SHANK2: variants seen among roughly 807,000 people sequenced by gnomAD.
SHANK2 encodes the protein SH3 and multiple ankyrin repeat domains protein 2.
In SHANK2, 43 loss-of-function variants were observed where a neutral mutation model predicts 133.7. The observed-to-expected ratio is 0.32, with a 90% CI of 0.25 to 0.41. The LOEUF (loss-of-function observed/expected upper bound fraction) is 0.41, where lower values mean the gene tolerates loss of function less well. SHANK2 is among the 10% of genes least tolerant of loss of function. The probability of loss-of-function intolerance (pLI) is 1.00; values close to 1 mark genes in which losing one functional copy is unlikely to be tolerated. For synonymous variants in SHANK2, 1,017 were observed against 952.8 expected, an observed-to-expected ratio of 1.07 and a Z score of -1.24; for missense variants, 1,994 against 2,235.8, an observed-to-expected ratio of 0.89 and a Z score of 2.18.
intron 19 of SHANK2, 109 bp from the exon 20 acceptor site, chr11:70,502,040 T>TGG: frequency 7.3e-7 from 1 of 1,365,900 alleles, no homozygotes; most frequent in Non-Finnish European, 1.0e-6. Context: ...GGTGCACACA[T>TGG]GGGGCTGCGG....
chr11:71,066,971 C>A (rs1173997411), intron 9 of SHANK2, among the ~76,000 whole-genome samples: 6 of 152,204 alleles, frequency 3.9e-5, no homozygotes, highest in African/African-American at 1.4e-4. Flanking sequence ...AATGCATCCA[C>A]AAGGCATGGG....
intron 5 of SHANK2, among the ~76,000 whole-genome samples, chr11:71,111,528 C>A (rs1951892074): frequency 6.6e-6 from 1 of 152,236 alleles, no homozygotes; most frequent in African/African-American, 2.4e-5. Context: ...GACTGTGGGA[C>A]TTGGCACCCT....
chr11:70,775,840 T>A (rs1047964868), intron 14 of SHANK2, among the ~76,000 whole-genome samples: 1 of 152,260 alleles, frequency 6.6e-6, no homozygotes, highest in Non-Finnish European at 1.5e-5. Context: ...GCGGCCCCCA[T>A]AAGCCAATGT....
At chr11:70,517,110 A>C (rs1450322323) in intron 17 of SHANK2, among the ~76,000 whole-genome samples, 1 of 152,224 alleles carries the variant, frequency 6.6e-6, no homozygotes. Context: ...GAAGATACAC[A>C]GATGGCAAAT....
chr11:70,861,748 C>T (rs188059741), intron 11 of SHANK2, among the ~76,000 whole-genome samples: 1 of 152,240 alleles, frequency 6.6e-6, no homozygotes, highest in Non-Finnish European at 1.5e-5. Flanking sequence ...TTGAGACAAT[C>T]CCAGCAGATG....
chr11:70,890,961 G>A (rs1431370128), intron 11 of SHANK2, among the ~76,000 whole-genome samples: 4 of 148,556 alleles, frequency 2.7e-5, no homozygotes, highest in Admixed American at 6.7e-5. Context: ...GATAGACTCC[G>A]CCTCAAAAAA....
At chr11:70,818,509 T>G (rs1191970075) in intron 12 of SHANK2, among the ~76,000 whole-genome samples, 1 of 152,122 alleles carries the variant, frequency 6.6e-6, no homozygotes, top group East Asian at 1.9e-4. Context: ...TTAGATTTTG[T>G]ACTGGGTGAA....
intron 17 of SHANK2, among the ~76,000 whole-genome samples, chr11:70,655,301 T>C (rs1482987502): frequency 6.6e-6 from 1 of 152,244 alleles, no homozygotes; most frequent in Non-Finnish European, 1.5e-5. Context: ...TGCCCATTTA[T>C]ACATAAAGCA....
At chr11:70,938,853 T>G (rs1450751188) in intron 10 of SHANK2, among the ~76,000 whole-genome samples, 18 of 152,088 alleles carry the variant, frequency 1.2e-4, no homozygotes, top group African/African-American at 4.3e-4. Flanking sequence ...GGAGGTGACG[T>G]GATAACCGCC....
intron 2 of SHANK2, 108 bp from the exon 3 acceptor site, chr11:71,147,446 A>G (rs1218544667): frequency 8.3e-6 from 7 of 840,070 alleles, no homozygotes; most frequent in Non-Finnish European, 1.2e-5. Flanking sequence ...TCGGTTTCAC[A>G]GTCTGTGTTT....
chr11:71,080,095 C>T (rs1299938924), intron 8 of SHANK2, among the ~76,000 whole-genome samples: 1 of 152,172 alleles, frequency 6.6e-6, no homozygotes, highest in Non-Finnish European at 1.5e-5. Context: ...TGTCTGGTCT[C>T]TGGCTGTTGA....
In SHANK2 at chr11:70,565,147, C is replaced by T. The variant is rs782382263; in HGVS notation, c.2062-62216G>A. 4.5e-4 allele frequency among the ~76,000 whole-genome samples: 69 copies of T among 152,210 alleles called. 1 individual carries two copies. The highest frequency in any genetic ancestry group is 8.8e-4 in the Non-Finnish European group (60 of 68,028). On this transcript the variant is annotated intron_variant, in intron 17 of 25. Transcript: ENST00000601538. ...CATCATGAATTGTACTTGTTGGGGG[C>T]GCTGGGTAGTTCTGTATCCTGGTCT...
chr11:70,933,308 A>G (rs1160848226), intron 10 of SHANK2: 5 of 454,726 alleles, frequency 1.1e-5, no homozygotes, highest in African/African-American at 2.0e-5. Context: ...TGAGCTCCCT[A>G]AAGTTCTGAG....
At chr11:70,859,615 C>T (rs868933118) in intron 11 of SHANK2, among the ~76,000 whole-genome samples, 1 of 152,048 alleles carries the variant, frequency 6.6e-6, no homozygotes, top group Non-Finnish European at 1.5e-5. Flanking sequence ...GATATCATCA[C>T]CTATACAACT....
chr11:70,716,692 C>T (rs529129181), intron 14 of SHANK2, among the ~76,000 whole-genome samples: 7 of 152,244 alleles, frequency 4.6e-5, no homozygotes, highest in African/African-American at 1.2e-4. Context: ...CTCACCAACA[C>T]GGGGCACCCC....
intron 17 of SHANK2, among the ~76,000 whole-genome samples, chr11:70,530,663 T>C (rs2059456127): frequency 6.6e-6 from 1 of 152,162 alleles, no homozygotes; most frequent in African/African-American, 2.4e-5. Context: ...ATTCCATTTA[T>C]CTGCAGTCCC....
At chr11:71,219,884 C>T (rs1243108839) in intron 2 of SHANK2, among the ~76,000 whole-genome samples, 3 of 151,358 alleles carry the variant, frequency 2.0e-5, no homozygotes, top group Non-Finnish European at 2.9e-5. Flanking sequence ...GGCAACAGAG[C>T]GAGACTCCAT....
At chr11:70,666,864 T>C (rs534542850) in intron 15 of SHANK2, among the ~76,000 whole-genome samples, 10 of 152,126 alleles carry the variant, frequency 6.6e-5, no homozygotes, top group South Asian at 2.1e-4. Context: ...TGCTTATTGA[T>C]TGAACAAAAA....
At chr11:70,710,553 G>T (rs1400157996) in intron 14 of SHANK2, among the ~76,000 whole-genome samples, 1 of 152,240 alleles carries the variant, frequency 6.6e-6, no homozygotes, top group Non-Finnish European at 1.5e-5. Flanking sequence ...GATGGTGAAA[G>T]GGGGATTATC....
Sources: gnomAD v4.1 joint callset for allele counts (sites outside exome capture counted in the v4.1 genomes callset) on GRCh38, gnomAD v4.1.1 for gene constraint, MANE v1.5 for transcripts, NCBI Gene and HGNC (gene_info 2026-07-23, HGNC 2026-07-21) for gene names.